Variants in ZNF578 observed in about 807,000 individuals in gnomAD.
ZNF578 encodes zinc finger protein 578, also known as Putative chemokine-related protein B42.
A neutral mutation model predicts 8.3 loss-of-function variants in ZNF578; 8 were observed. That is an observed-to-expected ratio of 0.96 (90% CI 0.56 to 1.74). The LOEUF is 1.74. Ranked by LOEUF, ZNF578 falls within the 40% of genes most tolerant of loss-of-function variation. The pLI, the probability that ZNF578 is intolerant of heterozygous loss-of-function variation, is 0.00. For missense variants in ZNF578, 726 were observed against 707.5 expected (o/e 1.03, Z -0.30); for synonymous variants, 206 against 232.2 (o/e 0.89, Z 1.03).
intron 2 of ZNF578, among the ~76,000 whole-genome samples, chr19:52,477,215 T>C (rs2059310961): frequency 6.6e-6 from 1 of 152,200 alleles, no homozygotes; most frequent in Non-Finnish European, 1.5e-5. Flanking sequence ...GTTTGTCTCC[T>C]CCAACTAATA....
intron 2 of ZNF578, among the ~76,000 whole-genome samples, chr19:52,475,723 C>A (rs2059306453): frequency 6.6e-6 from 1 of 152,146 alleles, no homozygotes; most frequent in African/African-American, 2.4e-5. Flanking sequence ...CCTGTCTTTA[C>A]AGAGAACTAC....
At chr19:52,503,891 G>C (rs569058575) in intron 4 of ZNF578, among the ~76,000 whole-genome samples, 2 of 148,782 alleles carry the variant, frequency 1.3e-5, no homozygotes, top group East Asian at 4.0e-4. Context: ...TCCGCCTCCC[G>C]GATTCAAGCG....
intron 2 of ZNF578, chr19:52,474,090 T>A: frequency 2.7e-6 from 1 of 376,728 alleles, no homozygotes; most frequent in Admixed American, 3.3e-5. Context: ...CCAGTATGAA[T>A]TCTCTGATGA....
rs1306330557 is a variant in ZNF578, at chr19:52,512,712, G to A, written c.*558G>A. ...ATCAGTGTGGCAAGGTCTTCAGTCC[G>A]AGGTCACTCCTTGCAGAACATCAGA... On this transcript the variant is annotated 3_prime_UTR_variant, in exon 6 of 6. Transcript: ENST00000421239. Among the ~76,000 whole-genome samples, 3 of 152,192 alleles carry A rather than the reference G, an allele frequency of 2.0e-5. No individual in the cohort carries two copies. The highest frequency in any genetic ancestry group is 2.9e-5 in the Non-Finnish European group (2 of 68,036).
rs147383336 is a variant in ZNF578 at position 52,464,316 on chromosome 19, G to A, written c.-122+7358G>A. Among the ~76,000 whole-genome samples, 52 of 152,120 alleles carry A rather than the reference G, an allele frequency of 3.4e-4. 2 individuals are homozygous for A. In the South Asian group the frequency reaches 6.7e-3, roughly 19 times the overall value. On this transcript the variant is annotated intron_variant, in intron 2 of 5. Coordinates refer to ENST00000421239, the MANE Select transcript of ZNF578 (RefSeq NM_001099694.2). Reference sequence around the variant, plus strand: ...TTACTCTTAACTTTTTCATGGCCTCGGGTGTTAGTCCTCTTTTACTGTGTA... The same window carrying A: ...TTACTCTTAACTTTTTCATGGCCTCAGGTGTTAGTCCTCTTTTACTGTGTA...
At chr19:52,475,523 A>G (rs1026725174) in intron 2 of ZNF578, among the ~76,000 whole-genome samples, 1 of 151,700 alleles carries the variant, frequency 6.6e-6, no homozygotes, top group Non-Finnish European at 1.5e-5. Context: ...CGCCCAGCTA[A>G]TTTTTTTGTA....
At position 52,479,310 on chromosome 19, in the gene ZNF578, C is replaced by T. The variant is rs540005187; in HGVS notation, c.-121-12014C>T. Among the ~76,000 whole-genome samples, 28 of 151,896 alleles carry T rather than the reference C, an allele frequency of 1.8e-4. No individual in the cohort carries two copies. The South Asian group carries it at 2.5e-3, about 14-fold the overall frequency. On this transcript the variant is annotated intron_variant, in intron 2 of 5. Coordinates refer to ENST00000421239, the MANE Select transcript of ZNF578 (RefSeq NM_001099694.2). ...CAGCACTTTGGGAGGCCGAGGCGGG[C>T]AGATCATGAGGTCAGGAGATCAAGA... is the stretch of plus-strand genomic sequence containing the variant.
intron 3 of ZNF578, among the ~76,000 whole-genome samples, chr19:52,499,695 T>TTTTTTTTC (rs1269748903): frequency 6.6e-6 from 1 of 151,534 alleles, no homozygotes. Context: ...AATCGTTTTT[T>TTTTTTTTC]TTTTTTTGAG....
At chr19:52,485,930 C>T (rs954069450) in intron 2 of ZNF578, among the ~76,000 whole-genome samples, 2 of 152,052 alleles carry the variant, frequency 1.3e-5, no homozygotes. Context: ...GGGAAAGACC[C>T]GACCATCCCC....
rs1024027709 is a variant in ZNF578 at position 52,514,863 on chromosome 19, A to G, written c.*2709A>G. On this transcript the variant is annotated 3_prime_UTR_variant, in exon 6 of 6. Transcript: ENST00000421239. ...TTTTTAGTAGAGACAGGGTTTCACC[A>G]TGTTTGTCAGGCTGGTCTCAAACTC... Among the ~76,000 whole-genome samples the G allele has an allele frequency of 3.3e-5, 5 of 151,146 alleles. No homozygotes were observed. Among genetic ancestry groups the G allele is most frequent in the Non-Finnish European group, 7.4e-5 (5 of 67,964 alleles).
rs751120626 is a variant in ZNF578, at chr19:52,492,641, C to G, written c.-20+1216C>G. On this transcript the variant is annotated intron_variant, in intron 3 of 5. Coordinates refer to ENST00000421239, the MANE Select transcript of ZNF578 (RefSeq NM_001099694.2). ...CCTGGCCGCTCTCCCCTCCAAACAC[C>G]CAAAAAACAGAGGAGCTGCCTGCCA... Among the ~76,000 whole-genome samples the G allele has an allele frequency of 4.4e-4, 67 of 152,322 alleles. 1 individual carries two copies. Among genetic ancestry groups the G allele is most frequent in the Non-Finnish European group, 6.8e-4 (46 of 68,024 alleles).
chr19:52,513,552 A>C lies in ZNF578; in HGVS notation c.*1398A>C, dbSNP rs373707106. Among the ~76,000 whole-genome samples, 2 of 151,344 alleles carry C rather than the reference A, an allele frequency of 1.3e-5. No homozygotes were observed. Among genetic ancestry groups the C allele is most frequent in the East Asian group, 1.9e-4 (1 of 5,146 alleles). ...GAGACCGTCCTGGCTAACACGGTGA[A>C]ACCTCGTCTCTACTAAAAATACAAA... On this transcript the variant is annotated 3_prime_UTR_variant, in exon 6 of 6. Transcript: ENST00000421239.
intron 2 of ZNF578, among the ~76,000 whole-genome samples, chr19:52,477,597 G>T (rs548670805): frequency 2.0e-3 from 271 of 138,846 alleles, no homozygotes; most frequent in Non-Finnish European, 3.7e-3. Context: ...CCATTTTAGG[G>T]TTTTTTTTTT....
Position 52,501,754 on chromosome 19 carries a change from G to T in ZNF578, c.-19-73G>T, listed in dbSNP as rs10410156. 2,712 of 1,500,298 alleles carry T rather than the reference G, an allele frequency of 1.8e-3. 30 individuals carry two copies. The African/African-American group carries it at 0.024, about 13-fold the overall frequency. 92.9% of individuals were successfully genotyped at this position (1,500,298 alleles called of 1,614,324 possible). A position where few individuals can be genotyped will look rare whatever the true frequency, so the allele number is the denominator to read the frequency against. Reference sequence around the variant, plus strand: ...TCTTTGTACAGGGTGATGTCTCCCCGTTCCTGTGTTTTTATCACAGGAAGG... The same window carrying T: ...TCTTTGTACAGGGTGATGTCTCCCCTTTCCTGTGTTTTTATCACAGGAAGG... On this transcript the variant is annotated intron_variant, in intron 3 of 5. Transcript: ENST00000421239.
At chr19:52,494,942 C>T (rs983005118) in intron 3 of ZNF578, among the ~76,000 whole-genome samples, 1 of 152,150 alleles carries the variant, frequency 6.6e-6, no homozygotes, top group African/African-American at 2.4e-5. Flanking sequence ...AGCAATCCTC[C>T]TCCCTCAGTC....
Position 52,475,642 on chromosome 19 carries a change from C to T in ZNF578, c.-121-15682C>T, listed in dbSNP as rs145169364. ...AAAGTGCTGGGATTATAGGCGTGAG[C>T]CACCGCGCCTGGCTGAGTGCAGCCA... is the stretch of plus-strand genomic sequence containing the variant. On this transcript the variant is annotated intron_variant, in intron 2 of 5. Coordinates refer to ENST00000421239, the MANE Select transcript of ZNF578 (RefSeq NM_001099694.2). Among the ~76,000 whole-genome samples, 1,254 of 152,302 alleles carry T rather than the reference C, an allele frequency of 8.2e-3. 15 individuals are homozygous for T. Among genetic ancestry groups the T allele is most frequent in the African/African-American group, 0.029 (1,207 of 41,548 alleles).
intron 2 of ZNF578, among the ~76,000 whole-genome samples, chr19:52,489,741 T>C (rs2059358828): frequency 6.6e-6 from 1 of 151,722 alleles, no homozygotes; most frequent in Non-Finnish European, 1.5e-5. Context: ...CTGCAAGCTC[T>C]GCCTCCCGGG....
chr19:52,492,677 T>C (rs891884809), intron 3 of ZNF578, among the ~76,000 whole-genome samples: 7 of 152,126 alleles, frequency 4.6e-5, no homozygotes, highest in Non-Finnish European at 7.4e-5. Flanking sequence ...GGCCAAGTGA[T>C]GCACAGGTCC....
Position 52,478,105 on chromosome 19 carries a change from T to C in ZNF578, c.-121-13219T>C, listed in dbSNP as rs114077088. On this transcript the variant is annotated intron_variant, in intron 2 of 5. Transcript: ENST00000421239. ...TCCAGCAGCACGGTTCTGTCTAGCT[T>C]GGTCTGCACACATTTCTTGCCAATT... 2.8e-3 allele frequency among the ~76,000 whole-genome samples: 428 copies of C among 152,336 alleles called. 5 individuals are homozygous for C. The highest frequency in any genetic ancestry group is 9.9e-3 in the African/African-American group (411 of 41,572).
Sources: allele counts gnomAD v4.1 joint callset (sites outside exome capture counted in the v4.1 genomes callset), GRCh38; gene constraint gnomAD v4.1.1; transcripts MANE v1.5; gene names NCBI Gene and HGNC (gene_info 2026-07-23, HGNC 2026-07-21).